The following APLP2 variants were observed in gnomAD, a reference collection of about 807,000 sequenced individuals.
The protein encoded by APLP2 is CDEI box-binding protein.
In APLP2, 53 loss-of-function variants were observed where a neutral mutation model predicts 89.9. That is an observed-to-expected ratio of 0.59 (90% CI 0.47 to 0.74). The LOEUF (loss-of-function observed/expected upper bound fraction) is 0.74, where lower values mean the gene tolerates loss of function less well. Ranked by LOEUF, APLP2 falls within the 30% of genes least tolerant of loss-of-function variation. The probability of loss-of-function intolerance (pLI) is 0.00; values close to 1 mark genes in which losing one functional copy is unlikely to be tolerated. For missense variants in APLP2, 973 were observed against 975.9 expected (o/e 1.00, Z 0.04); for synonymous variants, 372 against 348.6 (o/e 1.07, Z -0.75).
chr11:130,122,410 C>G lies in APLP2; in HGVS notation c.819C>G (p.Tyr273Ter). ...EGEEVVEDRDYYYDTFKGDDY... is the reference protein window; with the variant it reads ...EGEEVVEDRD ...AGGAAGTGGTGGAGGACCGAGATTA[C>G]TACTATGACACCTTCAAAGGAGATG... The change falls in exon 6 of 17, where the codon TAC becomes TAG. Residue 273 changes from tyrosine (Y) to a stop codon, truncating the protein, a stop_gained. Transcript: ENST00000338167. LOFTEE classifies it high-confidence loss of function. 6.2e-7 allele frequency: 1 copy of G among 1,614,142 alleles called. No individual in the cohort carries two copies. The highest frequency in any genetic ancestry group is 8.5e-7 in the Non-Finnish European group (1 of 1,180,016).
In APLP2 at chr11:130,109,539, T is replaced by C; in HGVS notation, c.216T>C (p.Pro72=). 6.2e-7 allele frequency: 1 copy of C among 1,613,784 alleles called. No individual in the cohort carries two copies. The highest frequency in any genetic ancestry group is 8.5e-7 in the Non-Finnish European group (1 of 1,179,810). ...HVNIQTGKWE[P]DPTGTKSCFE... is the part of the protein sequence containing the mutation. The stretch of plus-strand genomic sequence containing the variant: ...ACATTCAGACTGGGAAATGGGAACC[T>C]GATCCAACAGGCACCAAGAGCTGCT... The change falls in exon 2 of 17, where the codon CCT becomes CCC. Residue 72 remains proline, a synonymous_variant. Coordinates refer to ENST00000338167, the MANE Select transcript of APLP2 (RefSeq NM_001142276.2).
rs1236271223 is a variant in APLP2 at position 130,123,133 on chromosome 11, A to C, written c.923-479A>C. On this transcript the variant is annotated intron_variant, in intron 6 of 16. Coordinates refer to ENST00000338167, the MANE Select transcript of APLP2 (RefSeq NM_001142276.2). The surrounding 1 kb of genome is among the most constrained non-coding windows in gnomAD (Gnocchi z 4.0). ...ATTATTTAGGACCCAAGTTGGGGGAAATTACTTAACCAGTTGAGAAGTTTG... is the reference window on the plus strand; with the variant it reads ...ATTATTTAGGACCCAAGTTGGGGGACATTACTTAACCAGTTGAGAAGTTTG... 6.6e-6 allele frequency among the ~76,000 whole-genome samples: 1 copy of C among 152,198 alleles called. No individual in the cohort carries two copies. Among genetic ancestry groups the C allele is most frequent in the African/African-American group, 2.4e-5 (1 of 41,450 alleles).
chr11:130,072,893 C>G (rs1260933757), intron 1 of APLP2, among the ~76,000 whole-genome samples: 1 of 152,178 alleles, frequency 6.6e-6, no homozygotes, highest in Non-Finnish European at 1.5e-5. Context: ...TAAAGCCAGG[C>G]TTTCCCAGGG....
At chr11:130,076,399 G>A (rs1591754796) in intron 1 of APLP2, among the ~76,000 whole-genome samples, 1 of 152,116 alleles carries the variant, frequency 6.6e-6, no homozygotes, top group African/African-American at 2.4e-5. Context: ...TTTATATTAT[G>A]TGCAAGTTCT....
chr11:130,124,879 A>G (rs1950199031), intron 7 of APLP2, among the ~76,000 whole-genome samples: 1 of 152,258 alleles, frequency 6.6e-6, no homozygotes, highest in African/African-American at 2.4e-5. Flanking sequence ...AATAGAAATT[A>G]TTGTGATACT....
chr11:130,142,859 C>G (rs968386593), intron 16 of APLP2, among the ~76,000 whole-genome samples: 3 of 152,160 alleles, frequency 2.0e-5, no homozygotes, highest in African/African-American at 7.2e-5. Flanking sequence ...GTGATCCACC[C>G]GCCTCAGCCT....
At chr11:130,117,840 A>G (rs1302692760) in intron 3 of APLP2, among the ~76,000 whole-genome samples, 5 of 152,150 alleles carry the variant, frequency 3.3e-5, no homozygotes, top group Non-Finnish European at 7.4e-5. Flanking sequence ...GGGGAGGCCG[A>G]GGCCGGGGTG....
At chr11:130,099,338 ATAAC>A (rs1220895028) in intron 1 of APLP2, among the ~76,000 whole-genome samples, 1 of 152,240 alleles carries the variant, frequency 6.6e-6, no homozygotes, top group Non-Finnish European at 1.5e-5. Flanking sequence ...GTCTCATTTA[ATAAC>A]TAAACTTTGA....
intron 1 of APLP2, among the ~76,000 whole-genome samples, chr11:130,100,895 A>G (rs1029910987): frequency 2.0e-5 from 3 of 152,344 alleles, no homozygotes; most frequent in South Asian, 2.1e-4. Flanking sequence ...ACTCTAAATA[A>G]TAGGTTTTTT....
intron 1 of APLP2, among the ~76,000 whole-genome samples, chr11:130,074,836 A>G (rs896564470): frequency 3.9e-5 from 6 of 152,318 alleles, no homozygotes; most frequent in African/African-American, 9.6e-5. Context: ...CAAAGAAAAT[A>G]ATGTTTTCCG....
intron 1 of APLP2, among the ~76,000 whole-genome samples, chr11:130,107,366 T>G (rs534547108): frequency 1.3e-5 from 2 of 152,266 alleles, no homozygotes; most frequent in East Asian, 3.9e-4. Flanking sequence ...TTCCTTTGCC[T>G]AAGTCTCAGG....
chr11:130,143,275 C>G, intron 16 of APLP2, 72 bp from the exon 17 acceptor site: 1 of 1,406,420 alleles, frequency 7.1e-7, no homozygotes, highest in East Asian at 2.3e-5. Flanking sequence ...CAGCAAATGG[C>G]TCAGGTCTCC....
rs73041224 is a variant in APLP2 at position 130,072,278 on chromosome 11, T to G, written c.105+2196T>G. ...GACTAGGCTCCTGAGAACCGGAACTTGAGTTTGTTCTGTCACATTTGAAAG... is the reference window on the plus strand; with the variant it reads ...GACTAGGCTCCTGAGAACCGGAACTGGAGTTTGTTCTGTCACATTTGAAAG... On this transcript the variant is annotated intron_variant, in intron 1 of 16. Coordinates refer to ENST00000338167, the MANE Select transcript of APLP2 (RefSeq NM_001142276.2). Among the ~76,000 whole-genome samples the G allele has an allele frequency of 3.2e-3, 486 of 152,210 alleles. 2 individuals carry two copies. Among genetic ancestry groups the G allele is most frequent in the Admixed American group, 6.7e-3 (102 of 15,286 alleles).
intron 3 of APLP2, among the ~76,000 whole-genome samples, chr11:130,116,174 A>G (rs2135880688): frequency 6.7e-6 from 1 of 149,680 alleles, no homozygotes; most frequent in South Asian, 2.1e-4. Flanking sequence ...AGGTTGGGAG[A>G]AAAAAAAAAG....
At chr11:130,107,683 A>G (rs1177229208) in intron 1 of APLP2, among the ~76,000 whole-genome samples, 1 of 152,222 alleles carries the variant, frequency 6.6e-6, no homozygotes, top group East Asian at 1.9e-4. Context: ...CAAGCTACCA[A>G]TGACTTTCTT....
intron 7 of APLP2, among the ~76,000 whole-genome samples, chr11:130,124,172 T>C (rs1209949810): frequency 6.6e-6 from 1 of 152,214 alleles, no homozygotes; most frequent in Non-Finnish European, 1.5e-5. Flanking sequence ...TGAACATTCC[T>C]GTCTTTGAAC....
intron 1 of APLP2, among the ~76,000 whole-genome samples, chr11:130,091,872 C>T (rs1945325327): frequency 6.9e-6 from 1 of 145,390 alleles, no homozygotes; most frequent in Admixed American, 6.6e-5. Flanking sequence ...GGAGACGCTC[C>T]TCACTTCCCA....
intron 1 of APLP2, among the ~76,000 whole-genome samples, chr11:130,075,072 C>G (rs1941868120): frequency 6.6e-6 from 1 of 152,198 alleles, no homozygotes; most frequent in South Asian, 2.1e-4. Flanking sequence ...GAAATGAGTT[C>G]CAGTCCTTTG....
At chr11:130,111,300 T>A (rs73585120) in intron 3 of APLP2, among the ~76,000 whole-genome samples, 8,850 of 152,176 alleles carry the variant, frequency 0.058, 666 homozygotes, top group East Asian at 0.24. Flanking sequence ...TTTTAACTAT[T>A]TGTGCCTGAT....
Sources: allele counts gnomAD v4.1 joint callset (sites outside exome capture counted in the v4.1 genomes callset), GRCh38; gene constraint gnomAD v4.1.1; non-coding constraint Gnocchi (gnomAD v3.1); transcripts MANE v1.5; gene names NCBI Gene and HGNC (gene_info 2026-07-23, HGNC 2026-07-21).